Variants in ZC3H4 observed in about 807,000 individuals in gnomAD.
ZC3H4 encodes the protein zinc finger CCCH-type containing 4.
In ZC3H4, 13 loss-of-function variants were observed where a neutral mutation model predicts 108.3. The ratio of observed to expected loss-of-function variants is 0.12; its 90% CI spans 0.08 to 0.19. The LOEUF (loss-of-function observed/expected upper bound fraction) is 0.19. Ranked by LOEUF, ZC3H4 falls within the 10% of genes least tolerant of loss-of-function variation. The pLI is 1.00. For synonymous variants in ZC3H4, 917 were observed against 749.6 expected, an observed-to-expected ratio of 1.22 and a Z score of -3.65; for missense variants, 1,734 against 1,838.8, an observed-to-expected ratio of 0.94 and a Z score of 1.04.
At chr19:47,095,364 C>T (rs1049480769) in intron 2 of ZC3H4, among the ~76,000 whole-genome samples, 19 of 152,218 alleles carry the variant, frequency 1.2e-4, no homozygotes, top group Admixed American at 2.0e-4. Context: ...GACCCACCCT[C>T]GTCAGTCCCA....
At chr19:47,069,489 G>A in intron 13 of ZC3H4, 146 bp from the exon 14 acceptor site, 6 of 1,099,610 alleles carry the variant, frequency 5.5e-6, no homozygotes, top group Non-Finnish European at 7.6e-6. Context: ...CAGGTCTCAG[G>A]GGAACAGAGC....
At position 47,070,136 on chromosome 19, in the gene ZC3H4, G is replaced by T. The variant is rs140451037; in HGVS notation, c.2147-793C>A. Among the ~76,000 whole-genome samples, 106 of 152,082 alleles carry T rather than the reference G, an allele frequency of 7.0e-4. 1 individual carries two copies. Among genetic ancestry groups the T allele is most frequent in the African/African-American group, 2.1e-3 (87 of 41,362 alleles). ...GAGACATCGAATCACCGAAACGGAG[G>T]GGGGGGCGTCTGGAGTCAGTGCTGC... is the stretch of plus-strand genomic sequence containing the variant. On this transcript the variant is annotated intron_variant, in intron 13 of 14. Coordinates refer to ENST00000253048, the MANE Select transcript of ZC3H4 (RefSeq NM_015168.2).
chr19:47,086,740 C>T (rs565841483), intron 5 of ZC3H4, among the ~76,000 whole-genome samples: 4 of 152,340 alleles, frequency 2.6e-5, no homozygotes, highest in Admixed American at 2.6e-4. Context: ...GGTCCCTCAG[C>T]ACCCCAGACA....
At chr19:47,087,657 T>C (rs1017402140) in intron 5 of ZC3H4, among the ~76,000 whole-genome samples, 2 of 152,072 alleles carry the variant, frequency 1.3e-5, no homozygotes, top group Admixed American at 6.6e-5. Context: ...GGCGGGTGGA[T>C]TGCCCGAGCT....
At chr19:47,093,270 G>T (rs1040701068) in intron 4 of ZC3H4, among the ~76,000 whole-genome samples, 11 of 151,622 alleles carry the variant, frequency 7.3e-5, no homozygotes, top group Admixed American at 7.2e-4. Context: ...GGGATTTTCT[G>T]GGGGAAGAAA....
Position 47,094,555 on chromosome 19 carries a change from G to A in ZC3H4, c.215C>T (p.Thr72Ile), listed in dbSNP as rs1174700056. 1 of 1,613,970 alleles carries A rather than the reference G, an allele frequency of 6.2e-7. No homozygotes were observed. The highest frequency in any genetic ancestry group is 1.3e-5 in the African/African-American group (1 of 74,852). The change falls in exon 3 of 15, where the codon ACC becomes ATC. Residue 72 changes from threonine (T) to isoleucine (I), a missense_variant. Around this residue, in one of 9 missense-constraint regions of ZC3H4, gnomAD observed 4 missense variants for 17.6 expected, o/e 0.23. Coordinates refer to ENST00000253048, the MANE Select transcript of ZC3H4 (RefSeq NM_015168.2). ...GELEDDGAEETQDTSGGPERS... is the reference protein window; with the variant it reads ...GELEDDGAEEIQDTSGGPERS... ...CTCAGGCCCTCCGGAGGTATCCTGG[G>A]TCTCCTCTGCCCCATCATCTTCCAA...
chr19:47,072,469 T>A lies in ZC3H4; in HGVS notation c.1685A>T (p.His562Leu), dbSNP rs1380979230. Residue 562 changes from histidine (H) to leucine (L), a missense_variant, in exon 12 of 15, where the codon CAT becomes CTT. Physicochemically the swap from His to Leu is moderately conservative, Grantham distance 99 (BLOSUM62 -3). This residue lies in a region of ZC3H4 where 75 missense variants were observed against 85.8 expected (regional missense o/e 0.87). Transcript: ENST00000253048. The surrounding 1 kb of genome is among the most constrained non-coding windows in gnomAD (Gnocchi z 5.6). ...CAGCTGCTGCGGGGACAGTGGCTCA[T>A]GCACCGGCATGGGCATCTGAGGGGG... The part of the protein sequence containing the change: ...PGPPQMPMPV[H>L]EPLSPQQLQQ... 2 of 1,437,456 alleles carry A rather than the reference T, an allele frequency of 1.4e-6. No individual in the cohort carries two copies. Among genetic ancestry groups the A allele is most frequent in the Admixed American group, 1.9e-5 (1 of 51,982 alleles). 89.0% of individuals were successfully genotyped at this position (1,437,456 alleles called of 1,614,324 possible). A position where few individuals can be genotyped will look rare whatever the true frequency, so the allele number is the denominator to read the frequency against.
intron 7 of ZC3H4, 49 bp downstream of exon 7, chr19:47,085,269 G>A (rs1276384677): frequency 1.3e-6 from 2 of 1,543,792 alleles, no homozygotes; most frequent in Non-Finnish European, 1.8e-6. Context: ...TCCAGCAGCT[G>A]CTGGAATCCC....
intron 1 of ZC3H4, among the ~76,000 whole-genome samples, 170 bp from the exon 2 acceptor site, chr19:47,112,759 G>C (rs1030991771): frequency 1.3e-5 from 2 of 152,206 alleles, no homozygotes; most frequent in African/African-American, 4.8e-5. Flanking sequence ...GGCCTCGGAG[G>C]GCCGCTCGCC....
At chr19:47,104,258 G>A (rs1308173163) in intron 2 of ZC3H4, among the ~76,000 whole-genome samples, 1 of 152,210 alleles carries the variant, frequency 6.6e-6, no homozygotes, top group Non-Finnish European at 1.5e-5. Context: ...GGCAGAGGTT[G>A]CAGTGAGCTG....
chr19:47,101,513 G>A (rs545091860), intron 2 of ZC3H4, among the ~76,000 whole-genome samples: 1 of 152,226 alleles, frequency 6.6e-6, no homozygotes, highest in East Asian at 2.0e-4. Context: ...AGAGGCATGA[G>A]CCATTGCACC....
At position 47,069,183 on chromosome 19, in the gene ZC3H4, C is replaced by T. The variant is rs746977330; in HGVS notation, c.2307G>A (p.Leu769=). The change falls in exon 14 of 15, where the codon CTG becomes CTA. Residue 769 remains leucine (L), a synonymous_variant. Coordinates refer to ENST00000253048, the MANE Select transcript of ZC3H4 (RefSeq NM_015168.2). ...PDFLPSAQRA[L]YLRIQQKQQE... ...GCTGCTTCTGCTGGATCCTCAGGTA[C>T]AGGGCCCTCTGGGCTGAGGGCAGGA... 1.2e-6 allele frequency: 2 copies of T among 1,610,680 alleles called. No individual in the cohort carries two copies. Among genetic ancestry groups the T allele is most frequent in the Non-Finnish European group, 1.7e-6 (2 of 1,179,976 alleles).
chr19:47,074,591 T>C (rs2057385314), intron 11 of ZC3H4, among the ~76,000 whole-genome samples: 1 of 152,238 alleles, frequency 6.6e-6, no homozygotes, highest in Non-Finnish European at 1.5e-5. Context: ...CAGCATTCAC[T>C]GTCCAGTAAG....
rs369405862 is a variant in ZC3H4 at position 47,084,288 on chromosome 19, A to G, written c.1218+57T>C. On this transcript the variant is annotated intron_variant, in intron 9 of 14. Transcript: ENST00000253048. ...ACGGCTCCAGAACCTTCTGGAAGCC[A>G]TGTGTCCTCTGGGGGCTATGGCCTC... The G allele has an allele frequency of 1.2e-4, 190 of 1,537,302 alleles. No individual in the cohort carries two copies. The African/African-American group carries it at 1.9e-3, about 16-fold the overall frequency.
chr19:47,108,031 T>C (rs967308947), intron 2 of ZC3H4, among the ~76,000 whole-genome samples: 1 of 152,206 alleles, frequency 6.6e-6, no homozygotes, highest in African/African-American at 2.4e-5. Context: ...GTTTTAATTA[T>C]GAAACTGGCT....
At chr19:47,086,298 G>T (rs2057621115) in intron 6 of ZC3H4, 86 bp downstream of exon 6, 3 of 1,524,988 alleles carry the variant, frequency 2.0e-6, no homozygotes, top group Non-Finnish European at 2.7e-6. Flanking sequence ...TCCTACCTTG[G>T]CCTCACAGCC....
chr19:47,071,800 C>T lies in ZC3H4; in HGVS notation c.2124G>A (p.Glu708=). 6.2e-7 allele frequency: 1 copy of T among 1,612,542 alleles called. No individual in the cohort carries two copies. Among genetic ancestry groups the T allele is most frequent in the African/African-American group, 1.3e-5 (1 of 75,050 alleles). The change falls in exon 13 of 15, where the codon GAG becomes GAA. Residue 708 remains glutamate (E), a synonymous_variant. Coordinates refer to ENST00000253048, the MANE Select transcript of ZC3H4 (RefSeq NM_015168.2). ...FYQQQEGMEM[E]PGLLGDAEDY... ...TACCTGCATCCCCCAGGAGTCCGGGCTCCATCTCCATGCCCTCCTGCTGCT... is the reference window on the plus strand; with the variant it reads ...TACCTGCATCCCCCAGGAGTCCGGGTTCCATCTCCATGCCCTCCTGCTGCT...
At position 47,094,477 on chromosome 19, in the gene ZC3H4, T is replaced by C; in HGVS notation, c.293A>G (p.Lys98Arg). 1 of 1,614,240 alleles carries C rather than the reference T, an allele frequency of 6.2e-7. No individual in the cohort carries two copies. Among genetic ancestry groups the C allele is most frequent in the Non-Finnish European group, 8.5e-7 (1 of 1,180,046 alleles). The change falls in exon 3 of 15, where the codon AAG becomes AGG. Residue 98 changes from lysine (K) to arginine (R), a missense_variant. Lys to Arg is a conservative substitution (Grantham distance 26). Coordinates refer to ENST00000253048, the MANE Select transcript of ZC3H4 (RefSeq NM_015168.2). ...TTTCCGCTTCAGTCTCCTGTGGGAC[T>C]TCTCCTCATCCGAATCACTGTGATG... ...EKHHSDSDEE[K>R]SHRRLKRKRK...
rs755303361 is a variant in ZC3H4 at position 47,081,539 on chromosome 19, C to T, written c.1414G>A (p.Glu472Lys). 1.1e-5 allele frequency: 17 copies of T among 1,614,122 alleles called. No individual in the cohort carries two copies. The highest frequency in any genetic ancestry group is 6.6e-5 in the South Asian group (6 of 91,094). Residue 472 changes from glutamate (E) to lysine (K), a missense_variant, in exon 11 of 15, where the codon GAA becomes AAA. Physicochemically the swap from Glu to Lys is moderately conservative, Grantham distance 56. Around this residue, in one of 9 missense-constraint regions of ZC3H4, gnomAD observed 66 missense variants for 166.8 expected, o/e 0.40. Transcript: ENST00000253048. ...TTATCCAAGAGCTCCCTCGTCTCTTCGGTCAGAGGGTCGTGGGAAAACATG... is the reference window on the plus strand; with the variant it reads ...TTATCCAAGAGCTCCCTCGTCTCTTTGGTCAGAGGGTCGTGGGAAAACATG... ...DCMFSHDPLT[E>K]ETRELLDKML...
Sources: allele counts gnomAD v4.1 joint callset (sites outside exome capture counted in the v4.1 genomes callset), GRCh38; gene constraint gnomAD v4.1.1; regional missense constraint gnomAD v4.1.1; non-coding constraint Gnocchi (gnomAD v3.1); transcripts MANE v1.5; gene names NCBI Gene and HGNC (gene_info 2026-07-23, HGNC 2026-07-21).